The following MAPK10 variants were observed in gnomAD, a reference collection of about 807,000 sequenced individuals.
The protein encoded by MAPK10 is mitogen-activated protein kinase 10.
MAPK10 carries 25 observed loss-of-function variants against 59.3 expected under a neutral mutation model. The observed-to-expected ratio is 0.42, with a 90% CI of 0.31 to 0.59. The LOEUF is 0.59. MAPK10 is among the 20% of genes least tolerant of loss of function. MAPK10 has a pLI of 0.15. For missense variants in MAPK10, 351 were observed against 568.9 expected, an observed-to-expected ratio of 0.62 and a Z score of 3.90; for synonymous variants, 190 against 200.5, an observed-to-expected ratio of 0.95 and a Z score of 0.44.
intron 4 of MAPK10, among the ~76,000 whole-genome samples, chr4:86,122,021 C>T (rs2059340179): frequency 6.6e-6 from 1 of 152,010 alleles, no homozygotes. Flanking sequence ...AACTCAGGGC[C>T]TTGGGAATTT....
intron 1 of MAPK10, among the ~76,000 whole-genome samples, chr4:86,507,630 A>ATG (rs1382965749): frequency 1.1e-4 from 6 of 54,520 alleles, no homozygotes; most frequent in East Asian, 5.7e-4. Flanking sequence ...ATATATATAT[A>ATG]TATATATATA....
intron 1 of MAPK10, among the ~76,000 whole-genome samples, chr4:86,441,093 T>C (rs1297368089): frequency 6.6e-6 from 1 of 152,228 alleles, no homozygotes; most frequent in Admixed American, 6.5e-5. Flanking sequence ...ATTAAACTAT[T>C]ATATTTAATT....
chr4:86,203,310 T>C (rs1274318746), intron 2 of MAPK10, among the ~76,000 whole-genome samples: 1 of 151,930 alleles, frequency 6.6e-6, no homozygotes. Context: ...TTTATTAGGC[T>C]GAATTGGTGC....
intron 2 of MAPK10, among the ~76,000 whole-genome samples, chr4:86,319,605 C>G (rs1188354793): frequency 6.6e-6 from 1 of 152,182 alleles, no homozygotes; most frequent in Non-Finnish European, 1.5e-5. Flanking sequence ...CAAGCTCAGA[C>G]ATGACTTTTT....
intron 4 of MAPK10, among the ~76,000 whole-genome samples, chr4:86,118,380 T>C (rs1275492366): frequency 6.6e-6 from 1 of 152,106 alleles, no homozygotes; most frequent in African/African-American, 2.4e-5. Flanking sequence ...TGAAGATTTT[T>C]CCAACAATTC....
intron 2 of MAPK10, among the ~76,000 whole-genome samples, chr4:86,344,591 T>TGGGA (rs1160109859): frequency 7.2e-5 from 5 of 69,804 alleles, no homozygotes; most frequent in Middle Eastern, 6.7e-3. Context: ...TAAATATTCG[T>TGGGA]GGGAGGGAGG....
At chr4:86,499,442 T>C (rs1452247736) in intron 1 of MAPK10, among the ~76,000 whole-genome samples, 2 of 152,114 alleles carry the variant, frequency 1.3e-5, no homozygotes, top group Non-Finnish European at 2.9e-5. Context: ...CTGATGCACT[T>C]GTTGGTTCGG....
intron 1 of MAPK10, among the ~76,000 whole-genome samples, chr4:86,390,602 G>A (rs1280988568): frequency 2.0e-5 from 3 of 152,314 alleles, no homozygotes; most frequent in South Asian, 2.1e-4. Flanking sequence ...AGAAGAGACT[G>A]CCAGCAAGAT....
chr4:86,331,325 A>G lies in MAPK10; in HGVS notation c.-7+23205T>C, dbSNP rs2096147720. 2.6e-5 allele frequency among the ~76,000 whole-genome samples: 4 copies of G among 152,308 alleles called. No individual in the cohort carries two copies. The South Asian group carries it at 8.3e-4, about 32-fold the overall frequency. The stretch of plus-strand genomic sequence containing the variant: ...AAACAACAGCTGAAGCAGGAAAGGA[A>G]CATACATTTTCTCACTTAGTGGCAC... On this transcript the variant is annotated intron_variant, in intron 2 of 13. Coordinates refer to ENST00000641462, the MANE Select transcript of MAPK10 (RefSeq NM_138982.4).
At chr4:86,548,219 G>A (rs1490831248) in intron 1 of MAPK10, among the ~76,000 whole-genome samples, 2 of 151,612 alleles carry the variant, frequency 1.3e-5, no homozygotes, top group African/African-American at 2.4e-5. Context: ...AACTCCAGAC[G>A]CGCTGCCTTA....
At chr4:86,467,053 A>T (rs1564912162) in intron 1 of MAPK10, among the ~76,000 whole-genome samples, 1 of 152,220 alleles carries the variant, frequency 6.6e-6, no homozygotes, top group Non-Finnish European at 1.5e-5. Context: ...TGAACAAGAA[A>T]ATATGTCAGT....
At chr4:86,487,511 C>T (rs750195865) in intron 1 of MAPK10, among the ~76,000 whole-genome samples, 4 of 151,902 alleles carry the variant, frequency 2.6e-5, no homozygotes, top group South Asian at 2.1e-4. Context: ...GAGTGGATCA[C>T]GAAGTCAGGA....
At chr4:86,182,559 T>C (rs889381566) in intron 3 of MAPK10, among the ~76,000 whole-genome samples, 2 of 152,020 alleles carry the variant, frequency 1.3e-5, no homozygotes, top group East Asian at 1.9e-4. Context: ...TTAAACACCA[T>C]AGCACATAAA....
intron 2 of MAPK10, among the ~76,000 whole-genome samples, chr4:86,295,667 AAT>A (rs984379083): frequency 1.3e-5 from 2 of 150,478 alleles, no homozygotes; most frequent in Non-Finnish European, 3.0e-5. Context: ...GGTTCACAAA[AAT>A]ATGTTATAGC....
At chr4:86,562,007 A>C (rs1205454328) in intron 1 of MAPK10, among the ~76,000 whole-genome samples, 1 of 152,170 alleles carries the variant, frequency 6.6e-6, no homozygotes. Flanking sequence ...ATCCTTTCTA[A>C]ATTGACTCTT....
intron 2 of MAPK10, among the ~76,000 whole-genome samples, chr4:86,214,294 A>G (rs192908652): frequency 6.6e-6 from 1 of 152,206 alleles, no homozygotes; most frequent in East Asian, 1.9e-4. Context: ...ATTGTGAAAG[A>G]GCAAAAGATA....
chr4:86,194,287 A>T (rs1162897883), intron 3 of MAPK10, 49 bp downstream of exon 3: 1 of 1,383,080 alleles, frequency 7.2e-7, no homozygotes. Context: ...TCAAAGTGGA[A>T]ATACAAGGGA....
intron 2 of MAPK10, among the ~76,000 whole-genome samples, chr4:86,335,724 C>T (rs1720876472): frequency 6.6e-6 from 1 of 152,108 alleles, no homozygotes; most frequent in African/African-American, 2.4e-5. Flanking sequence ...AGGAAACTTA[C>T]AATCATGGCA....
At chr4:86,238,780 T>C (rs982621393) in intron 2 of MAPK10, among the ~76,000 whole-genome samples, 3 of 152,208 alleles carry the variant, frequency 2.0e-5, no homozygotes, top group Non-Finnish European at 2.9e-5. Context: ...TATAAAATCA[T>C]GTCATCTGCA....
Sources: allele counts gnomAD v4.1 joint callset (sites outside exome capture counted in the v4.1 genomes callset), GRCh38; gene constraint gnomAD v4.1.1; transcripts MANE v1.5; gene names NCBI Gene and HGNC (gene_info 2026-07-23, HGNC 2026-07-21).